The following ADCY8 variants were observed in gnomAD, a reference collection of about 807,000 sequenced individuals.
ADCY8 encodes adenylate cyclase type 8.
In ADCY8, 51 loss-of-function variants were observed where a neutral mutation model predicts 119.7. That is an observed-to-expected ratio of 0.43 (90% confidence interval 0.34 to 0.54). ADCY8 has a LOEUF of 0.54. Ranked by LOEUF, ADCY8 falls within the 20% of genes least tolerant of loss-of-function variation. The pLI is 0.03. For missense variants in ADCY8, 1,383 were observed against 1,598.8 expected (o/e 0.87, Z 2.30); for synonymous variants, 665 against 651.0 (o/e 1.02, Z -0.33).
chr8:130,908,912 G>A (rs534639875), intron 6 of ADCY8, among the ~76,000 whole-genome samples: 1 of 152,210 alleles, frequency 6.6e-6, no homozygotes, highest in African/African-American at 2.4e-5. Context: ...TGCAAGGAGT[G>A]ATGGCACATA....
At chr8:130,853,249 C>T (rs915610147) in intron 9 of ADCY8, among the ~76,000 whole-genome samples, 5 of 152,232 alleles carry the variant, frequency 3.3e-5, no homozygotes, top group African/African-American at 7.2e-5. Context: ...GGAGGGCTGG[C>T]CATCTCTTCT....
Position 130,980,627 on chromosome 8 carries a change from G to C in ADCY8, c.1110+9766C>G, listed in dbSNP as rs148143514. Among the ~76,000 whole-genome samples the C allele has an allele frequency of 7.0e-3, 1,070 of 152,316 alleles. 17 individuals carry two copies. The highest frequency in any genetic ancestry group is 0.024 in the African/African-American group (992 of 41,576). ...ACAAGTGGTGCTGTTTGTTCACTAA[G>C]ATAGGAAATACTGCAAGGGCAAATG... On this transcript the variant is annotated intron_variant, in intron 2 of 17. Transcript: ENST00000286355.
intron 3 of ADCY8, among the ~76,000 whole-genome samples, chr8:130,948,219 T>A (rs999665461): frequency 1.3e-5 from 2 of 152,172 alleles, no homozygotes; most frequent in Non-Finnish European, 2.9e-5. Context: ...TGAAAGGGTA[T>A]TTGAAAGAGC....
At chr8:130,947,921 A>G (rs1384788221) in intron 3 of ADCY8, among the ~76,000 whole-genome samples, 1 of 152,166 alleles carries the variant, frequency 6.6e-6, no homozygotes, top group Non-Finnish European at 1.5e-5. Flanking sequence ...ATTGAGCCAG[A>G]GGCACTGTTC....
intron 14 of ADCY8, among the ~76,000 whole-genome samples, chr8:130,803,928 G>A (rs1815862114): frequency 6.6e-6 from 1 of 152,246 alleles, no homozygotes; most frequent in South Asian, 2.1e-4. Context: ...GCTGATGACT[G>A]GCTAGGTAGG....
At chr8:131,032,362 A>C (rs1824022461) in intron 1 of ADCY8, among the ~76,000 whole-genome samples, 1 of 152,216 alleles carries the variant, frequency 6.6e-6, no homozygotes, top group African/African-American at 2.4e-5. Flanking sequence ...AGTAGCTATA[A>C]AGTACAAAGT....
At chr8:130,845,924 C>T (rs1396509982) in intron 11 of ADCY8, among the ~76,000 whole-genome samples, 1 of 152,142 alleles carries the variant, frequency 6.6e-6, no homozygotes, top group African/African-American at 2.4e-5. Flanking sequence ...CCCTAACCAG[C>T]ACTGAGCAAG....
intron 5 of ADCY8, among the ~76,000 whole-genome samples, chr8:130,924,019 A>G (rs1311097986): frequency 6.6e-6 from 1 of 152,226 alleles, no homozygotes; most frequent in East Asian, 1.9e-4. Flanking sequence ...CCTAAACTAT[A>G]TGTTGATCCT....
At chr8:130,858,295 A>G (rs1817813404) in intron 9 of ADCY8, among the ~76,000 whole-genome samples, 1 of 152,188 alleles carries the variant, frequency 6.6e-6, no homozygotes, top group Non-Finnish European at 1.5e-5. Flanking sequence ...AGTCCAGGAT[A>G]TCATCTTCCA....
At chr8:130,939,895 C>A (rs530314222) in intron 4 of ADCY8, among the ~76,000 whole-genome samples, 2 of 152,068 alleles carry the variant, frequency 1.3e-5, no homozygotes, top group East Asian at 3.9e-4. Flanking sequence ...TTTACAGATA[C>A]AGAAATCTCA....
chr8:130,910,258 C>T (rs577956909), intron 5 of ADCY8, among the ~76,000 whole-genome samples: 1 of 152,290 alleles, frequency 6.6e-6, no homozygotes, highest in South Asian at 2.1e-4. Context: ...AAACCTTCCT[C>T]CAAAACCTGC....
At chr8:130,970,731 G>A (rs1271528569) in intron 2 of ADCY8, among the ~76,000 whole-genome samples, 2 of 152,114 alleles carry the variant, frequency 1.3e-5, no homozygotes, top group African/African-American at 4.8e-5. Context: ...AAGCCATTGG[G>A]GGTGTTTCCT....
chr8:130,835,051 AT>A (rs1216473258), intron 12 of ADCY8, among the ~76,000 whole-genome samples: 1 of 152,116 alleles, frequency 6.6e-6, no homozygotes, highest in Non-Finnish European at 1.5e-5. Context: ...GGACATTCAT[AT>A]TATTAGTTCT....
At chr8:130,801,568 A>G (rs1357391120) in intron 14 of ADCY8, among the ~76,000 whole-genome samples, 18 of 152,164 alleles carry the variant, frequency 1.2e-4, no homozygotes, top group Non-Finnish European at 1.8e-4. Context: ...CTTCTAAGAA[A>G]AAGAACAAAG....
At chr8:130,816,014 GT>G (rs1404036485) in intron 13 of ADCY8, among the ~76,000 whole-genome samples, 1 of 152,164 alleles carries the variant, frequency 6.6e-6, no homozygotes, top group Non-Finnish European at 1.5e-5. Context: ...GTCTTTAACT[GT>G]TGACATGAAC....
In ADCY8 at chr8:130,780,531, C is replaced by T. The variant is rs377481454; in HGVS notation, c.3615G>A (p.Arg1205=). The T allele has an allele frequency of 4.9e-4, 786 of 1,614,122 alleles. 11 individuals are homozygous for T. The South Asian group carries it at 8.2e-3, about 17-fold the overall frequency. ...CATTGAGTAGCTGCTTCTGCCTTTGCCTATTGAGGGACTGGACAAGTCCCA... is the reference window on the plus strand; with the variant it reads ...CATTGAGTAGCTGCTTCTGCCTTTGTCTATTGAGGGACTGGACAAGTCCCA... ...VVLGLVQSLN[R]QRQKQLLNEN... The change falls in exon 18 of 18, where the codon AGG becomes AGA. Residue 1205 remains arginine, a synonymous_variant. Transcript: ENST00000286355.
chr8:130,856,674 T>C (rs1307719410), intron 9 of ADCY8, among the ~76,000 whole-genome samples: 2 of 152,222 alleles, frequency 1.3e-5, no homozygotes, highest in Non-Finnish European at 2.9e-5. Context: ...ATACATAGCA[T>C]ATACATATCT....
At chr8:130,799,389 C>T (rs919941019) in intron 15 of ADCY8, among the ~76,000 whole-genome samples, 2 of 152,164 alleles carry the variant, frequency 1.3e-5, no homozygotes, top group African/African-American at 4.8e-5. Flanking sequence ...TCACATTTTG[C>T]ACCATAAATA....
At chr8:130,846,645 TCCTTCCTTCC>T (rs1485802484) in intron 11 of ADCY8, among the ~76,000 whole-genome samples, 3 of 71,008 alleles carry the variant, frequency 4.2e-5, no homozygotes, top group Admixed American at 3.2e-4. Flanking sequence ...CTTCCTTCCC[TCCTTCCTTCC>T]CCTTCCTTCC....
Sources: gnomAD v4.1 joint callset for allele counts (sites outside exome capture counted in the v4.1 genomes callset) on GRCh38, gnomAD v4.1.1 for gene constraint, MANE v1.5 for transcripts, NCBI Gene and HGNC (gene_info 2026-07-23, HGNC 2026-07-21) for gene names.